The following ANO2 variants were observed in gnomAD, a reference collection of about 807,000 sequenced individuals.
ANO2 encodes anoctamin-2.
In ANO2, 101 loss-of-function variants were observed where a neutral mutation model predicts 124.2. The ratio of observed to expected loss-of-function variants is 0.81; its 90% CI spans 0.69 to 0.96. The LOEUF is 0.96. ANO2 is among the 40% of genes least tolerant of loss of function. The probability of loss-of-function intolerance (pLI) is 0.00; values close to 1 mark genes in which losing one functional copy is unlikely to be tolerated. For missense variants in ANO2, 1,293 were observed against 1,274.5 expected (o/e 1.01, Z -0.22); for synonymous variants, 486 against 482.5 (o/e 1.01, Z -0.09).
chr12:5,767,922 C>T (rs1022088699), intron 10 of ANO2, among the ~76,000 whole-genome samples: 1 of 152,122 alleles, frequency 6.6e-6, no homozygotes. Context: ...CTTGTTCCAC[C>T]CCAGCCCCTT....
chr12:5,922,559 T>C (rs1244591620), intron 2 of ANO2, 61 bp downstream of exon 2: 8 of 1,473,856 alleles, frequency 5.4e-6, no homozygotes, highest in Non-Finnish European at 7.2e-6. Flanking sequence ...GACCAGAGGC[T>C]CCTTGGTGGC....
At chr12:5,642,382 A>C (rs1297786141) in intron 15 of ANO2, among the ~76,000 whole-genome samples, 1 of 152,188 alleles carries the variant, frequency 6.6e-6, no homozygotes, top group Non-Finnish European at 1.5e-5. Flanking sequence ...CAACTGAGTT[A>C]AGGAATAACT....
At chr12:5,663,694 T>C (rs1565538562) in intron 14 of ANO2, among the ~76,000 whole-genome samples, 1 of 152,178 alleles carries the variant, frequency 6.6e-6, no homozygotes, top group Non-Finnish European at 1.5e-5. Flanking sequence ...CATCTCATCC[T>C]ACTCTAGACA....
In ANO2 at chr12:5,769,784, T is replaced by C. The variant is rs1173015446; in HGVS notation, c.1056-18814A>G. ...TTGCACGCATGATCCCTTAGGATCC[T>C]CACAAGAATCTAAGTGGATACAGGT... On this transcript the variant is annotated intron_variant, in intron 10 of 24. Coordinates refer to ENST00000682330, the MANE Select transcript of ANO2 (RefSeq NM_001364791.2). The surrounding 1 kb of genome is among the most constrained non-coding windows in gnomAD (Gnocchi z 4.0). Among the ~76,000 whole-genome samples, 1 of 152,194 alleles carries C rather than the reference T, an allele frequency of 6.6e-6. No individual in the cohort carries two copies. The highest frequency in any genetic ancestry group is 1.5e-5 in the Non-Finnish European group (1 of 68,034).
chr12:5,675,682 G>T (rs1948209974), intron 14 of ANO2, among the ~76,000 whole-genome samples: 1 of 152,212 alleles, frequency 6.6e-6, no homozygotes, highest in East Asian at 1.9e-4. Flanking sequence ...GGATAACTCT[G>T]TCCTGACAGA....
intron 14 of ANO2, among the ~76,000 whole-genome samples, chr12:5,713,474 G>T (rs536665107): frequency 1.3e-5 from 2 of 152,246 alleles, no homozygotes; most frequent in South Asian, 4.2e-4. Context: ...CTAAGTGATG[G>T]TTCCTGTTTG....
chr12:5,715,530 AC>A, intron 14 of ANO2, among the ~76,000 whole-genome samples: 1 of 152,320 alleles, frequency 6.6e-6, no homozygotes, highest in East Asian at 1.9e-4. Flanking sequence ...TAAGATGATG[AC>A]CCATCTATGC....
chr12:5,831,722 C>T (rs1040284601), intron 5 of ANO2, among the ~76,000 whole-genome samples: 2 of 152,188 alleles, frequency 1.3e-5, no homozygotes, highest in African/African-American at 4.8e-5. Flanking sequence ...AAACACTGCT[C>T]CACAACTTCC....
intron 3 of ANO2, among the ~76,000 whole-genome samples, chr12:5,888,058 A>G (rs2136268337): frequency 6.6e-6 from 1 of 152,256 alleles, no homozygotes; most frequent in Middle Eastern, 3.4e-3. Flanking sequence ...GGACCCTCGC[A>G]GTGAGTGTTA....
chr12:5,752,945 C>A (rs1235384948), intron 10 of ANO2, among the ~76,000 whole-genome samples: 1 of 152,120 alleles, frequency 6.6e-6, no homozygotes, highest in Non-Finnish European at 1.5e-5. Context: ...CCAGTTTTCC[C>A]AATATCATTT....
intron 14 of ANO2, among the ~76,000 whole-genome samples, chr12:5,649,790 ATGTGTGTGTG>A (rs5796179): frequency 3.8e-4 from 57 of 149,472 alleles, no homozygotes; most frequent in African/African-American, 1.3e-3. Flanking sequence ...GCATGTGTGC[ATGTGTGTGTG>A]TGTGTGTGTG....
chr12:5,791,601 G>GA (rs1218108779), intron 10 of ANO2, among the ~76,000 whole-genome samples: 3 of 152,142 alleles, frequency 2.0e-5, no homozygotes, highest in African/African-American at 7.2e-5. Context: ...AGAGTACTGT[G>GA]AAAAAAATAA....
intron 1 of ANO2, among the ~76,000 whole-genome samples, chr12:5,924,477 G>A (rs1941983883): frequency 6.6e-6 from 1 of 152,206 alleles, no homozygotes; most frequent in South Asian, 2.1e-4. Flanking sequence ...GAAAGGCCAG[G>A]AGGCACGGGA....
chr12:5,911,860 G>A (rs369830435), intron 3 of ANO2, among the ~76,000 whole-genome samples: 3 of 152,180 alleles, frequency 2.0e-5, no homozygotes, highest in East Asian at 3.8e-4. Context: ...TATCCAAGCT[G>A]TTGTTACAAC....
At chr12:5,758,270 C>T (rs781768656) in intron 10 of ANO2, among the ~76,000 whole-genome samples, 9 of 152,142 alleles carry the variant, frequency 5.9e-5, no homozygotes, top group African/African-American at 2.4e-5. Flanking sequence ...AGGAAACTGT[C>T]TCCCACCCAA....
intron 14 of ANO2, among the ~76,000 whole-genome samples, chr12:5,648,669 C>G (rs527860205): frequency 6.6e-6 from 1 of 152,332 alleles, no homozygotes; most frequent in East Asian, 1.9e-4. Context: ...TTTCTCTGAG[C>G]TGCAGTTCTA....
intron 13 of ANO2, among the ~76,000 whole-genome samples, chr12:5,735,372 T>C (rs997912386): frequency 9.9e-5 from 15 of 152,116 alleles, no homozygotes; most frequent in Admixed American, 2.0e-4. Flanking sequence ...ATTTGTCTGA[T>C]GTAAAGAGGT....
intron 16 of ANO2, among the ~76,000 whole-genome samples, chr12:5,634,862 AGACCCCACGGTTTACCCTTAGGG>A (rs1565500521): frequency 2.0e-5 from 3 of 152,146 alleles, no homozygotes; most frequent in Non-Finnish European, 2.9e-5. Context: ...TAAAAAGAAC[AGACCCCACGGTTTACCCTTAGGG>A]GATAGTGAGT....
chr12:5,606,444 C>G (rs188480912), intron 19 of ANO2, among the ~76,000 whole-genome samples: 64 of 152,274 alleles, frequency 4.2e-4, no homozygotes, highest in African/African-American at 1.2e-3. Flanking sequence ...AGTCAGAAAG[C>G]CTTGGAGAGG....
Sources: gnomAD v4.1 joint callset for allele counts (sites outside exome capture counted in the v4.1 genomes callset) on GRCh38, gnomAD v4.1.1 for gene constraint, Gnocchi (gnomAD v3.1) non-coding constraint, MANE v1.5 for transcripts, NCBI Gene and HGNC (gene_info 2026-07-23, HGNC 2026-07-21) for gene names.